Variants in FAM185A observed in about 807,000 individuals in gnomAD.
The protein encoded by FAM185A is protein FAM185A.
In FAM185A, 21 loss-of-function variants were observed where a neutral mutation model predicts 45.7. That is an observed-to-expected ratio of 0.46 (90% CI 0.33 to 0.66). The LOEUF is 0.66. Among genes scored for constraint, FAM185A ranks in the 30% least tolerant of loss-of-function variants. The probability of loss-of-function intolerance (pLI) is 0.03; values close to 1 mark genes in which losing one functional copy is unlikely to be tolerated. For synonymous variants in FAM185A, 117 were observed against 194.0 expected (o/e 0.60, Z 3.30); for missense variants, 305 against 485.4 (o/e 0.63, Z 3.49).
At chr7:102,768,521 A>G (rs1367019709) in intron 4 of FAM185A, among the ~76,000 whole-genome samples, 7 of 131,194 alleles carry the variant, frequency 5.3e-5, no homozygotes, top group Non-Finnish European at 9.8e-5. Flanking sequence ...GCTTGCAAAT[A>G]CAAGTGTCTC....
chr7:102,802,039 A>G (rs1378193957), intron 7 of FAM185A, among the ~76,000 whole-genome samples: 1 of 152,224 alleles, frequency 6.6e-6, no homozygotes, highest in Admixed American at 6.5e-5. Flanking sequence ...CAAATTTATA[A>G]AACAGTTACT....
At chr7:102,845,003 C>T in the FAM185A span, among the ~76,000 whole-genome samples, 1 of 152,034 alleles carries the variant, frequency 6.6e-6, no homozygotes, top group South Asian at 2.1e-4. Context: ...ACTTCTGTCC[C>T]CACAGAGTTG....
chr7:102,849,611 C>A, the FAM185A span, among the ~76,000 whole-genome samples: 2 of 152,304 alleles, frequency 1.3e-5, no homozygotes, highest in South Asian at 4.1e-4. Flanking sequence ...AATTTACTCA[C>A]TTTATTTTAT....
chr7:102,793,333 T>C (rs982320152), intron 7 of FAM185A, among the ~76,000 whole-genome samples: 1 of 152,096 alleles, frequency 6.6e-6, no homozygotes, highest in Non-Finnish European at 1.5e-5. Flanking sequence ...TGCCTCAGCC[T>C]CCTGAGTAGC....
chr7:102,784,362 C>T (rs1404223363), intron 6 of FAM185A, among the ~76,000 whole-genome samples: 1 of 151,800 alleles, frequency 6.6e-6, no homozygotes, highest in Non-Finnish European at 1.5e-5. Flanking sequence ...GATACCAAAG[C>T]CTGGCAGAGA....
intron 7 of FAM185A, among the ~76,000 whole-genome samples, chr7:102,802,679 A>G (rs1256845421): frequency 6.6e-6 from 1 of 152,162 alleles, no homozygotes; most frequent in African/African-American, 2.4e-5. Context: ...ACCCAGTAGA[A>G]AAAAGGAAAT....
intron 4 of FAM185A, among the ~76,000 whole-genome samples, chr7:102,764,827 GA>G (rs200947568): frequency 0.033 from 5,010 of 150,162 alleles, 78 homozygotes; most frequent in African/African-American, 0.051. Context: ...AGAGAGAGCA[GA>G]AAAAAAAAAT....
intron 5 of FAM185A, among the ~76,000 whole-genome samples, chr7:102,775,754 C>T (rs547377084): frequency 4.8e-4 from 73 of 152,124 alleles, no homozygotes; most frequent in African/African-American, 1.7e-3. Flanking sequence ...TTGTGTATTA[C>T]ACTTTTCTTT....
the FAM185A span, among the ~76,000 whole-genome samples, chr7:102,844,206 C>T: frequency 6.6e-6 from 1 of 152,150 alleles, no homozygotes; most frequent in Non-Finnish European, 1.5e-5. Context: ...TAATTAACTT[C>T]AGAGTCATTT....
At chr7:102,758,021 C>G (rs753009570) in intron 3 of FAM185A, 75 bp downstream of exon 3, 1,047 of 1,536,352 alleles carry the variant, frequency 6.8e-4, no homozygotes, top group Non-Finnish European at 8.7e-4. Context: ...TTGGTAGGTT[C>G]TACAAAGTTC....
the FAM185A span, among the ~76,000 whole-genome samples, chr7:102,815,328 G>T: frequency 6.6e-6 from 1 of 152,104 alleles, no homozygotes; most frequent in Non-Finnish European, 1.5e-5. Flanking sequence ...TGTTTAAGAA[G>T]GTAGTAAGTT....
At chr7:102,832,883 T>C in the FAM185A span, 3 of 1,614,176 alleles carry the variant, frequency 1.9e-6, no homozygotes, top group South Asian at 2.2e-5. Flanking sequence ...GTTAATGCAG[T>C]AAATGGCCAG....
chr7:102,836,099 C>G, the FAM185A span, among the ~76,000 whole-genome samples: 1 of 152,172 alleles, frequency 6.6e-6, no homozygotes, highest in South Asian at 2.1e-4. Context: ...GTAGCATCTG[C>G]CAATGTCTTG....
the FAM185A span, among the ~76,000 whole-genome samples, chr7:102,849,195 T>A: frequency 6.6e-6 from 1 of 152,240 alleles, no homozygotes; most frequent in African/African-American, 2.4e-5. Context: ...AATGCTCAGT[T>A]ACAGCTGCAT....
chr7:102,762,291 GA>G (rs984026980), intron 4 of FAM185A, among the ~76,000 whole-genome samples: 1 of 152,168 alleles, frequency 6.6e-6, no homozygotes, highest in African/African-American at 2.4e-5. Flanking sequence ...ATTATTGAAA[GA>G]AAATAAGAGT....
chr7:102,815,354 A>G, the FAM185A span, among the ~76,000 whole-genome samples: 1 of 152,154 alleles, frequency 6.6e-6, no homozygotes, highest in Non-Finnish European at 1.5e-5. Flanking sequence ...AGAGTTTATT[A>G]CATTTCTTTG....
At chr7:102,838,454 A>C in the FAM185A span, among the ~76,000 whole-genome samples, 1 of 152,082 alleles carries the variant, frequency 6.6e-6, no homozygotes, top group Non-Finnish European at 1.5e-5. Flanking sequence ...ATAGTAAAAA[A>C]AAAATTTTTT....
At chr7:102,786,137 T>C (rs1795779289) in intron 6 of FAM185A, among the ~76,000 whole-genome samples, 1 of 152,044 alleles carries the variant, frequency 6.6e-6, no homozygotes, top group African/African-American at 2.4e-5. Context: ...TGAGATACCA[T>C]CTCACACCAG....
chr7:102,800,018 C>G (rs1040286061), intron 7 of FAM185A, among the ~76,000 whole-genome samples: 1 of 152,106 alleles, frequency 6.6e-6, no homozygotes, highest in African/African-American at 2.4e-5. Flanking sequence ...CCAAGAGACA[C>G]CCGAAATACT....
Sources: gnomAD v4.1 joint callset for allele counts (sites outside exome capture counted in the v4.1 genomes callset) on GRCh38, gnomAD v4.1.1 for gene constraint, MANE v1.5 for transcripts, NCBI Gene and HGNC (gene_info 2026-07-23, HGNC 2026-07-21) for gene names.